The following PEAK1 variants were observed in gnomAD, a reference collection of about 807,000 sequenced individuals.
PEAK1 encodes the protein pseudopodium enriched atypical kinase 1.
In PEAK1, 54 loss-of-function variants were observed where a neutral mutation model predicts 124.7. The observed-to-expected ratio is 0.43, with a 90% CI of 0.35 to 0.54. The LOEUF is 0.54. PEAK1 is among the 20% of genes least tolerant of loss of function. PEAK1 has a pLI of 0.01. For missense variants in PEAK1, 2,046 were observed against 2,134.5 expected, an observed-to-expected ratio of 0.96 and a Z score of 0.82; for synonymous variants, 719 against 760.0, an observed-to-expected ratio of 0.95 and a Z score of 0.89.
chr15:77,107,807 A>C (rs2152702337), downstream of PEAK1: 1 of 152,418 alleles, frequency 6.6e-6, no homozygotes, highest in East Asian at 1.9e-4. Context: ...CAGCTAACCA[A>C]GCCTCTCAAC....
chr15:77,279,068 A>C (rs2062508143), intron 5 of PEAK1, among the ~76,000 whole-genome samples: 1 of 150,590 alleles, frequency 6.6e-6, no homozygotes, highest in African/African-American at 2.5e-5. Flanking sequence ...CCTCAAGTGA[A>C]CCGGCTGCCT....
At chr15:77,238,782 C>G (rs1024956722) in intron 6 of PEAK1, among the ~76,000 whole-genome samples, 1 of 152,132 alleles carries the variant, frequency 6.6e-6, no homozygotes, top group African/African-American at 2.4e-5. Flanking sequence ...TTTTAAATCA[C>G]CCAAATTTCT....
intron 5 of PEAK1, among the ~76,000 whole-genome samples, chr15:77,280,063 G>A (rs375698124): frequency 3.6e-4 from 55 of 152,230 alleles, no homozygotes; most frequent in Non-Finnish European, 7.2e-4. Context: ...GTTTTGGGCC[G>A]GGCATAGTGG....
chr15:77,413,520 A>G (rs1447759298), intron 1 of PEAK1, among the ~76,000 whole-genome samples: 2 of 152,206 alleles, frequency 1.3e-5, no homozygotes, highest in Non-Finnish European at 2.9e-5. Context: ...ATGAGAAAAC[A>G]TCAGACAAAC....
chr15:77,375,688 A>T (rs190644087), intron 1 of PEAK1, among the ~76,000 whole-genome samples: 2 of 152,160 alleles, frequency 1.3e-5, no homozygotes, highest in East Asian at 1.9e-4. Flanking sequence ...CAGGACCGAT[A>T]TAAGTCAAAA....
chr15:77,231,693 C>G (rs1278427252), intron 6 of PEAK1, among the ~76,000 whole-genome samples: 1 of 151,980 alleles, frequency 6.6e-6, no homozygotes, highest in African/African-American at 2.4e-5. Flanking sequence ...AAATAAATGA[C>G]AGGTTAAATA....
chr15:77,402,274 G>C (rs1378993165), intron 1 of PEAK1: 13 of 984,772 alleles, frequency 1.3e-5, no homozygotes, highest in Non-Finnish European at 1.6e-5. Context: ...AAGGTTTTCA[G>C]TAATAGAATT....
chr15:77,141,251 T>C (rs1326944748), intron 8 of PEAK1, among the ~76,000 whole-genome samples: 2 of 152,152 alleles, frequency 1.3e-5, no homozygotes, highest in East Asian at 1.9e-4. Context: ...ACATTATAAA[T>C]GAATGATCCA....
chr15:77,244,223 A>G (rs2060479823), intron 6 of PEAK1, among the ~76,000 whole-genome samples: 1 of 152,252 alleles, frequency 6.6e-6, no homozygotes, highest in Admixed American at 6.5e-5. Flanking sequence ...AATGACAGCA[A>G]AAGGAGGATA....
chr15:77,144,038 A>G (rs560845186), intron 8 of PEAK1, among the ~76,000 whole-genome samples: 16 of 152,330 alleles, frequency 1.1e-4, no homozygotes, highest in Admixed American at 5.2e-4. Flanking sequence ...AGAAATGGAG[A>G]ATTCCAAAAG....
chr15:77,223,862 G>A (rs1231885372), intron 6 of PEAK1, among the ~76,000 whole-genome samples: 1 of 148,776 alleles, frequency 6.7e-6, no homozygotes, highest in Non-Finnish European at 1.5e-5. Flanking sequence ...AATTTTGAAG[G>A]AAACCAATAG....
At chr15:77,240,471 TGA>T (rs1366920388) in intron 6 of PEAK1, among the ~76,000 whole-genome samples, 1 of 151,444 alleles carries the variant, frequency 6.6e-6, no homozygotes, top group Non-Finnish European at 1.5e-5. Context: ...TAAAAAAAAA[TGA>T]GCCTGGTGTA....
At chr15:77,278,781 A>C (rs1169082187) in intron 5 of PEAK1, 1 of 385,768 alleles carries the variant, frequency 2.6e-6, no homozygotes, top group Non-Finnish European at 5.0e-6. Flanking sequence ...GTGACTATAC[A>C]GTTTGAAATA....
Position 77,216,725 on chromosome 15 carries a change from G to T in PEAK1, c.-114-34685C>A, listed in dbSNP as rs555222866. Among the ~76,000 whole-genome samples, 111 of 152,272 alleles carry T rather than the reference G, an allele frequency of 7.3e-4. 1 individual carries two copies. Among genetic ancestry groups the T allele is most frequent in the African/African-American group, 2.5e-3 (103 of 41,564 alleles). ...AGCAGAAACAATAGCCAATACCATAGACATCTAATTAGTTCAGCTTACACA... is the reference window on the plus strand; with the variant it reads ...AGCAGAAACAATAGCCAATACCATATACATCTAATTAGTTCAGCTTACACA... On this transcript the variant is annotated intron_variant, in intron 6 of 9. Transcript: ENST00000682557.
chr15:77,202,726 G>A (rs1291283254), intron 6 of PEAK1, among the ~76,000 whole-genome samples: 5 of 151,102 alleles, frequency 3.3e-5, no homozygotes, highest in Non-Finnish European at 4.4e-5. Flanking sequence ...CCGAGATCAT[G>A]CCACTGCACT....
rs945469668 is a variant in PEAK1 at position 77,180,365 on chromosome 15, G to A, written c.1562C>T (p.Ala521Val). 3.1e-6 allele frequency: 5 copies of A among 1,614,102 alleles called. No individual in the cohort carries two copies. The highest frequency in any genetic ancestry group is 4.2e-6 in the Non-Finnish European group (5 of 1,179,992). The change falls in exon 7 of 10, where the codon GCC (alanine) becomes GTC (valine). Residue 521 changes from alanine to valine, a missense_variant. Physicochemically the swap from Ala to Val is moderately conservative, Grantham distance 64 (BLOSUM62 0). Coordinates refer to ENST00000682557, the MANE Select transcript of PEAK1 (RefSeq NM_001385026.1). The part of the protein sequence containing the change: ...SSSLTPGQIS[A>V]HFQKSSAIRY... Reference sequence around the variant, plus strand: ...AATTGCACTGGATTTTTGGAAATGGGCACTTATTTGTCCTGGTGTCAATGA... The same window carrying A: ...AATTGCACTGGATTTTTGGAAATGGACACTTATTTGTCCTGGTGTCAATGA...
chr15:77,410,073 G>GT (rs1206550260), intron 1 of PEAK1, among the ~76,000 whole-genome samples: 9 of 126,378 alleles, frequency 7.1e-5, no homozygotes, highest in African/African-American at 2.1e-4. Flanking sequence ...GTGTGTGTGT[G>GT]TGTTTTTTTT....
At chr15:77,316,329 T>C (rs1237952856) in intron 2 of PEAK1, among the ~76,000 whole-genome samples, 1 of 152,210 alleles carries the variant, frequency 6.6e-6, no homozygotes, top group Non-Finnish European at 1.5e-5. Flanking sequence ...ATGATTGCCA[T>C]TTTGACATAC....
intron 7 of PEAK1, among the ~76,000 whole-genome samples, chr15:77,176,129 C>T (rs528908653): frequency 1.3e-5 from 2 of 151,650 alleles, no homozygotes; most frequent in Non-Finnish European, 2.9e-5. Context: ...GGAGGGATAG[C>T]ATTAGGAGAT....
Sources: allele counts gnomAD v4.1 joint callset (sites outside exome capture counted in the v4.1 genomes callset), GRCh38; gene constraint gnomAD v4.1.1; transcripts MANE v1.5; gene names NCBI Gene and HGNC (gene_info 2026-07-23, HGNC 2026-07-21).